The following KCNG2 variants were observed in gnomAD, a reference collection of about 807,000 sequenced individuals.
KCNG2 encodes the protein voltage-gated potassium channel regulatory subunit KCNG2.
A neutral mutation model predicts 12.3 loss-of-function variants in KCNG2; 7 were observed. That is an observed-to-expected ratio of 0.57 (90% confidence interval 0.32 to 1.07). The LOEUF (loss-of-function observed/expected upper bound fraction) is 1.07. Ranked by LOEUF, KCNG2 falls within the 50% of genes least tolerant of loss-of-function variation. The pLI, the probability that KCNG2 is intolerant of heterozygous loss-of-function variation, is 0.04. For synonymous variants in KCNG2, 414 were observed against 351.4 expected, an observed-to-expected ratio of 1.18 and a Z score of -1.99; for missense variants, 703 against 726.0, an observed-to-expected ratio of 0.97 and a Z score of 0.36.
intron 1 of KCNG2, among the ~76,000 whole-genome samples, chr18:79,830,180 G>A (rs56060931): frequency 0.36 from 54,204 of 152,096 alleles, 11,469 homozygotes; most frequent in Non-Finnish European, 0.46. Context: ...TGGACCTGTT[G>A]TGAGAAGACG....
chr18:79,862,851 A>G (rs1273247043), intron 2 of KCNG2, among the ~76,000 whole-genome samples: 1 of 152,208 alleles, frequency 6.6e-6, no homozygotes, highest in Non-Finnish European at 1.5e-5. Flanking sequence ...TCTTCCACGG[A>G]GTCAAAGTAA....
chr18:79,883,486 G>C (rs918199054), intron 3 of KCNG2, among the ~76,000 whole-genome samples: 1 of 152,244 alleles, frequency 6.6e-6, no homozygotes, highest in Non-Finnish European at 1.5e-5. Flanking sequence ...CACAGTCTTT[G>C]AAGGCTTTTA....
chr18:79,877,058 T>C (rs1246879981), intron 3 of KCNG2, among the ~76,000 whole-genome samples: 2 of 152,236 alleles, frequency 1.3e-5, no homozygotes, highest in African/African-American at 2.4e-5. Context: ...GGCAAAGGCC[T>C]GTTGTGCTGT....
intron 3 of KCNG2, among the ~76,000 whole-genome samples, chr18:79,878,073 G>A (rs534134769): frequency 1.9e-4 from 29 of 152,392 alleles, no homozygotes; most frequent in South Asian, 1.0e-3. Flanking sequence ...TGGTGTGAGC[G>A]TGCCAGGAAA....
chr18:79,861,738 T>G (rs1979229415), intron 2 of KCNG2, among the ~76,000 whole-genome samples: 1 of 152,252 alleles, frequency 6.6e-6, no homozygotes, highest in Non-Finnish European at 1.5e-5. Context: ...CCCTGTTCCC[T>G]CTTTCCTTTC....
chr18:79,815,214 G>A (rs2087520346), intron 1 of KCNG2, among the ~76,000 whole-genome samples: 1 of 152,108 alleles, frequency 6.6e-6, no homozygotes, highest in Non-Finnish European at 1.5e-5. Flanking sequence ...AGAGGTGGTA[G>A]GATTGCTTGA....
At chr18:79,835,464 C>T (rs532378308) in intron 1 of KCNG2, among the ~76,000 whole-genome samples, 4 of 152,230 alleles carry the variant, frequency 2.6e-5, no homozygotes, top group Admixed American at 1.3e-4. Context: ...GAAATAGTCT[C>T]AGCAAAGGAA....
chr18:79,871,380 G>A (rs779569777), intron 3 of KCNG2, among the ~76,000 whole-genome samples: 1 of 152,202 alleles, frequency 6.6e-6, no homozygotes. Context: ...CCCTACAGCC[G>A]CAGGCAGAGT....
At chr18:79,817,553 G>C (rs1188386473) in intron 1 of KCNG2, among the ~76,000 whole-genome samples, 4 of 152,076 alleles carry the variant, frequency 2.6e-5, no homozygotes, top group African/African-American at 9.7e-5. Context: ...TTGTCATGTG[G>C]TTTGCACATG....
At chr18:79,896,524 G>A (rs533561353) in intron 3 of KCNG2, among the ~76,000 whole-genome samples, 2 of 152,238 alleles carry the variant, frequency 1.3e-5, no homozygotes, top group Non-Finnish European at 2.9e-5. Flanking sequence ...CCTCCTTTGT[G>A]CTTTTATTGG....
chr18:79,861,798 C>G (rs544344803), intron 2 of KCNG2, among the ~76,000 whole-genome samples: 4 of 152,350 alleles, frequency 2.6e-5, no homozygotes, highest in African/African-American at 9.6e-5. Flanking sequence ...CCACAGGTCT[C>G]TTAGGCTCTG....
intron 3 of KCNG2, among the ~76,000 whole-genome samples, chr18:79,883,796 G>A (rs1980412498): frequency 6.6e-6 from 1 of 152,222 alleles, no homozygotes; most frequent in South Asian, 2.1e-4. Flanking sequence ...AGCACACAGC[G>A]TTCCCAGCAG....
At chr18:79,806,659 C>T (rs2122989841) in intron 1 of KCNG2, among the ~76,000 whole-genome samples, 1 of 152,294 alleles carries the variant, frequency 6.6e-6, no homozygotes, top group Non-Finnish European at 1.5e-5. Context: ...AGCATCAGAA[C>T]ATGGATTCTC....
intron 3 of KCNG2, among the ~76,000 whole-genome samples, chr18:79,882,829 C>G (rs1340615769): frequency 6.6e-6 from 1 of 151,404 alleles, no homozygotes; most frequent in Non-Finnish European, 1.5e-5. Context: ...AGCGCGGAGG[C>G]CGGGTACACC....
At chr18:79,857,400 G>T (rs1171704682) in intron 2 of KCNG2, among the ~76,000 whole-genome samples, 1 of 151,698 alleles carries the variant, frequency 6.6e-6, no homozygotes, top group South Asian at 2.1e-4. Context: ...TTCTTCACTG[G>T]GGTGCTGAGC....
At chr18:79,821,642 G>A (rs994286797) in intron 1 of KCNG2, among the ~76,000 whole-genome samples, 1 of 152,126 alleles carries the variant, frequency 6.6e-6, no homozygotes, top group African/African-American at 2.4e-5. Context: ...GCACCCTTTT[G>A]TGTGAGCACA....
intron 3 of KCNG2, among the ~76,000 whole-genome samples, chr18:79,868,081 T>C (rs1979681436): frequency 6.6e-6 from 1 of 152,230 alleles, no homozygotes; most frequent in African/African-American, 2.4e-5. Flanking sequence ...AGTGTTTGGC[T>C]GTCCTCGGTC....
intron 3 of KCNG2, among the ~76,000 whole-genome samples, chr18:79,880,310 CT>C (rs1438881586): frequency 9.8e-6 from 1 of 102,350 alleles, no homozygotes; most frequent in African/African-American, 3.5e-5. Flanking sequence ...GAGTGAGACT[CT>C]GTCTCAAAAA....
rs1981092058 is a variant in KCNG2 at position 79,899,149 on chromosome 18, C to T, written c.734C>T (p.Ala245Val). The change falls in exon 4 of 4, where the codon GCC becomes GTC. Residue 245 changes from alanine to valine, a missense_variant. Transcript: ENST00000316249. The stretch of plus-strand genomic sequence containing the variant: ...TCCCTGCAGGCCGAGAGCAAGTGCG[C>T]CTTCCTGCGCGCGCCACTCAACATC... ...LRSLQAESKC[A>V]FLRAPLNIID... 1.9e-6 allele frequency: 3 copies of T among 1,607,276 alleles called. No homozygotes were observed. The highest frequency in any genetic ancestry group is 2.5e-6 in the Non-Finnish European group (3 of 1,179,616).
Sources: allele counts gnomAD v4.1 joint callset (sites outside exome capture counted in the v4.1 genomes callset), GRCh38; gene constraint gnomAD v4.1.1; transcripts MANE v1.5; gene names NCBI Gene and HGNC (gene_info 2026-07-23, HGNC 2026-07-21).